TRIM9: variants seen among roughly 807,000 people sequenced by gnomAD.
TRIM9 encodes E3 ubiquitin-protein ligase TRIM9.
A neutral mutation model predicts 78.3 loss-of-function variants in TRIM9; 26 were observed. The ratio of observed to expected loss-of-function variants is 0.33; its 90% CI spans 0.24 to 0.46. TRIM9 has a LOEUF of 0.46. Ranked by LOEUF, TRIM9 falls within the 20% of genes least tolerant of loss-of-function variation. The probability of loss-of-function intolerance (pLI) is 1.00; values close to 1 mark genes in which losing one functional copy is unlikely to be tolerated. For missense variants in TRIM9, 787 were observed against 1,036.4 expected, an observed-to-expected ratio of 0.76 and a Z score of 3.30; for synonymous variants, 398 against 416.5, an observed-to-expected ratio of 0.96 and a Z score of 0.54.
chr14:51,003,474 C>G (rs182858190), intron 5 of TRIM9, among the ~76,000 whole-genome samples: 1 of 152,154 alleles, frequency 6.6e-6, no homozygotes, highest in Non-Finnish European at 1.5e-5. Flanking sequence ...CAGATGGTTT[C>G]AACTTAAATC....
chr14:51,035,782 T>C (rs896452299), intron 1 of TRIM9, among the ~76,000 whole-genome samples: 8 of 152,252 alleles, frequency 5.3e-5, no homozygotes, highest in Admixed American at 5.2e-4. Flanking sequence ...AGTCCATCTC[T>C]GGAATGTAAA....
At chr14:51,093,746 G>A (rs921402218) in intron 1 of TRIM9, among the ~76,000 whole-genome samples, 3 of 152,232 alleles carry the variant, frequency 2.0e-5, no homozygotes, top group African/African-American at 7.2e-5. Flanking sequence ...CCTCGAGCGT[G>A]CCTAGCGGCC....
At chr14:51,038,158 A>C (rs1448632818) in intron 1 of TRIM9, among the ~76,000 whole-genome samples, 1 of 152,214 alleles carries the variant, frequency 6.6e-6, no homozygotes, top group Non-Finnish European at 1.5e-5. Context: ...TAATGACATG[A>C]GTCCTTAAAA....
At chr14:51,063,310 A>C (rs1197776757) in intron 1 of TRIM9, among the ~76,000 whole-genome samples, 1 of 152,196 alleles carries the variant, frequency 6.6e-6, no homozygotes, top group East Asian at 1.9e-4. Flanking sequence ...GAGAGAGGAA[A>C]AAAGTTTAAA....
rs79639220 is a variant in TRIM9 at position 51,010,232 on chromosome 14, G to A, written c.1152+152C>T. On this transcript the variant is annotated intron_variant, in intron 4 of 12. Coordinates refer to ENST00000684578, the MANE Select transcript of TRIM9 (RefSeq NM_001387360.1). Reference sequence around the variant, plus strand: ...GGAAGTCAGTGGAGTTTATTTAGCCGGCACTTACTTCCATGTACACTGCAG... The same window carrying A: ...GGAAGTCAGTGGAGTTTATTTAGCCAGCACTTACTTCCATGTACACTGCAG... 6.2e-3 allele frequency: 3,355 copies of A among 543,612 alleles called. 96 individuals carry two copies. The highest frequency in any genetic ancestry group is 0.059 in the African/African-American group (3,029 of 51,770). 33.7% of individuals were successfully genotyped at this position (543,612 alleles called of 1,614,324 possible). A position where few individuals can be genotyped will look rare whatever the true frequency, so the allele number is the denominator to read the frequency against.
chr14:51,012,120 T>A (rs747729704), intron 3 of TRIM9, among the ~76,000 whole-genome samples: 1 of 152,222 alleles, frequency 6.6e-6, no homozygotes, highest in Non-Finnish European at 1.5e-5. Context: ...AGTGTGTAAT[T>A]CCGTGGCATT....
intron 1 of TRIM9, among the ~76,000 whole-genome samples, chr14:51,070,710 C>T (rs761928413): frequency 6.6e-5 from 10 of 152,138 alleles, no homozygotes; most frequent in Non-Finnish European, 1.5e-4. Flanking sequence ...GGATTGACTG[C>T]ATGTCTTTTA....
intron 5 of TRIM9, among the ~76,000 whole-genome samples, chr14:51,001,675 C>T (rs2055066346): frequency 6.6e-6 from 1 of 152,026 alleles, no homozygotes; most frequent in African/African-American, 2.4e-5. Flanking sequence ...GATTCTACTC[C>T]ACGTCTTCTG....
At chr14:50,993,159 G>A (rs986206625) in intron 7 of TRIM9, among the ~76,000 whole-genome samples, 11 of 152,158 alleles carry the variant, frequency 7.2e-5, no homozygotes, top group Non-Finnish European at 1.5e-4. Context: ...GGCAAATCTC[G>A]TCACTGCCAG....
intron 1 of TRIM9, among the ~76,000 whole-genome samples, chr14:51,033,396 A>G (rs1457063274): frequency 1.3e-5 from 2 of 152,218 alleles, no homozygotes; most frequent in African/African-American, 4.8e-5. Flanking sequence ...TAGCCCAATG[A>G]TGTTTTTATA....
At chr14:51,005,894 T>G (rs2055726678) in intron 5 of TRIM9, among the ~76,000 whole-genome samples, 1 of 152,160 alleles carries the variant, frequency 6.6e-6, no homozygotes, top group African/African-American at 2.4e-5. Flanking sequence ...TCAGAATGGG[T>G]CAGTTAAATC....
chr14:51,012,840 G>T (rs549324419), intron 3 of TRIM9, among the ~76,000 whole-genome samples: 1 of 152,050 alleles, frequency 6.6e-6, no homozygotes, highest in Admixed American at 6.5e-5. Context: ...TACGTTTATC[G>T]GCTGTTTGTG....
intron 1 of TRIM9, among the ~76,000 whole-genome samples, chr14:51,073,436 C>T (rs1264614274): frequency 2.0e-5 from 3 of 152,158 alleles, no homozygotes; most frequent in Non-Finnish European, 4.4e-5. Flanking sequence ...AATTGTGAAA[C>T]ATTCATAAAA....
chr14:51,094,488 A>T lies in TRIM9; in HGVS notation c.452T>A (p.Leu151Gln). The T allele has an allele frequency of 6.2e-7, 1 of 1,613,770 alleles. No individual in the cohort carries two copies. The highest frequency in any genetic ancestry group is 1.1e-5 in the South Asian group (1 of 91,062). Residue 151 changes from leucine to glutamine, a missense_variant, in exon 1 of 13, where the codon CTG (leucine) becomes CAG (glutamine). Around this residue, in one of 3 missense-constraint regions of TRIM9, gnomAD observed 352 missense variants for 472.3 expected, o/e 0.75. Coordinates refer to ENST00000684578, the MANE Select transcript of TRIM9 (RefSeq NM_001387360.1). The part of the protein sequence containing the change: ...GLRGFPKNRV[L>Q]EGVIDRYQQS... ...CTGGTAGCGGTCAATTACCCCTTCCAGTACGCGATTCTTGGGGAAGCCGCG... is the reference window on the plus strand; with the variant it reads ...CTGGTAGCGGTCAATTACCCCTTCCTGTACGCGATTCTTGGGGAAGCCGCG...
chr14:51,013,191 T>C (rs913384930), intron 3 of TRIM9, among the ~76,000 whole-genome samples: 1 of 151,964 alleles, frequency 6.6e-6, no homozygotes, highest in Non-Finnish European at 1.5e-5. Flanking sequence ...TATGAGGTCA[T>C]TTTTGGATAT....
At chr14:51,040,126 T>C (rs1353621031) in intron 1 of TRIM9, among the ~76,000 whole-genome samples, 4 of 152,300 alleles carry the variant, frequency 2.6e-5, no homozygotes, top group Non-Finnish European at 5.9e-5. Flanking sequence ...GCGGATAAAG[T>C]CTCTTTATTA....
chr14:51,055,042 T>C (rs2060788105), intron 1 of TRIM9, among the ~76,000 whole-genome samples: 1 of 139,102 alleles, frequency 7.2e-6, no homozygotes, highest in East Asian at 2.2e-4. Flanking sequence ...GCCAGGATGG[T>C]CTTGATCTTG....
intron 1 of TRIM9, among the ~76,000 whole-genome samples, 199 bp from the exon 2 acceptor site, chr14:51,025,559 G>A (rs1463330790): frequency 6.6e-6 from 1 of 152,102 alleles, no homozygotes; most frequent in East Asian, 1.9e-4. Flanking sequence ...TGGAAGCAGT[G>A]AACACTTCTG....
intron 11 of TRIM9, among the ~76,000 whole-genome samples, chr14:50,980,937 A>G (rs1440183849): frequency 6.6e-6 from 1 of 152,056 alleles, no homozygotes; most frequent in Non-Finnish European, 1.5e-5. Context: ...TATCCTACCA[A>G]TGTCTGACTT....
Sources: allele counts gnomAD v4.1 joint callset (sites outside exome capture counted in the v4.1 genomes callset), GRCh38; gene constraint gnomAD v4.1.1; regional missense constraint gnomAD v4.1.1; transcripts MANE v1.5; gene names NCBI Gene and HGNC (gene_info 2026-07-23, HGNC 2026-07-21).